The following ALK variants were observed in gnomAD, a reference collection of about 807,000 sequenced individuals.
ALK encodes the protein ALK receptor tyrosine kinase.
A neutral mutation model predicts 163.1 loss-of-function variants in ALK; 74 were observed. That is an observed-to-expected ratio of 0.45 (90% CI 0.38 to 0.55). The LOEUF (loss-of-function observed/expected upper bound fraction) is 0.55, where lower values mean the gene tolerates loss of function less well. Among genes scored for constraint, ALK ranks in the 20% least tolerant of loss-of-function variants. The probability of loss-of-function intolerance (pLI) is 0.00; values close to 1 mark genes in which losing one functional copy is unlikely to be tolerated. For synonymous variants in ALK, 960 were observed against 843.2 expected, an observed-to-expected ratio of 1.14 and a Z score of -2.40; for missense variants, 2,063 against 2,105.3, an observed-to-expected ratio of 0.98 and a Z score of 0.39.
At chr2:29,616,478 G>A (rs942567186) in intron 3 of ALK, among the ~76,000 whole-genome samples, 2 of 152,182 alleles carry the variant, frequency 1.3e-5, no homozygotes, top group African/African-American at 2.4e-5. Context: ...GAGAATCAAG[G>A]CGTCTGAAGA....
intron 11 of ALK, among the ~76,000 whole-genome samples, chr2:29,271,299 ATAATGCATT>A (rs1203846884): frequency 6.6e-6 from 1 of 152,196 alleles, no homozygotes; most frequent in Non-Finnish European, 1.5e-5. Flanking sequence ...TGGTGAATGG[ATAATGCATT>A]TAGCAGAAAT....
intron 1 of ALK, among the ~76,000 whole-genome samples, chr2:29,727,485 G>A (rs972017104): frequency 6.6e-6 from 1 of 152,090 alleles, no homozygotes; most frequent in Non-Finnish European, 1.5e-5. Context: ...CGTGACCTTG[G>A]GTAAGCTGCT....
chr2:29,532,238 T>C (rs1020425376), intron 3 of ALK, 122 bp from the exon 4 acceptor site: 8 of 884,690 alleles, frequency 9.0e-6, no homozygotes, highest in African/African-American at 1.7e-5. Context: ...ATTATCTCCT[T>C]CTCTGCATGC....
chr2:29,894,923 T>C (rs575312089), intron 1 of ALK, among the ~76,000 whole-genome samples: 1 of 152,038 alleles, frequency 6.6e-6, no homozygotes, highest in South Asian at 2.1e-4. Flanking sequence ...ATATCTCCTA[T>C]AGAGAGATGT....
intron 1 of ALK, among the ~76,000 whole-genome samples, chr2:29,752,889 T>G (rs902658418): frequency 2.0e-5 from 3 of 152,180 alleles, no homozygotes; most frequent in Non-Finnish European, 4.4e-5. Flanking sequence ...GATTTTGGAC[T>G]GGTACAAGGG....
chr2:29,549,943 T>C (rs550940963), intron 3 of ALK, among the ~76,000 whole-genome samples: 2 of 152,318 alleles, frequency 1.3e-5, no homozygotes, highest in South Asian at 4.1e-4. Context: ...AGCACTACTT[T>C]AAGGATTAAG....
chr2:29,651,966 TG>T (rs897783543), intron 3 of ALK, among the ~76,000 whole-genome samples: 7 of 152,268 alleles, frequency 4.6e-5, no homozygotes, highest in African/African-American at 1.7e-4. Flanking sequence ...CAGGATGCTA[TG>T]GGCATCAATC....
At chr2:29,674,784 G>A (rs962627755) in intron 3 of ALK, among the ~76,000 whole-genome samples, 64 of 146,868 alleles carry the variant, frequency 4.4e-4, no homozygotes, top group African/African-American at 1.5e-3. Context: ...GGTAGAATTC[G>A]GCTGTGAATC....
intron 3 of ALK, among the ~76,000 whole-genome samples, chr2:29,588,980 G>A (rs562436886): frequency 9.2e-5 from 14 of 152,246 alleles, no homozygotes; most frequent in African/African-American, 3.4e-4. Context: ...CCGGGGGCTG[G>A]TTCTCTGCAT....
intron 1 of ALK, among the ~76,000 whole-genome samples, chr2:29,860,655 TAAGAAG>T: frequency 6.6e-6 from 1 of 152,128 alleles, no homozygotes; most frequent in East Asian, 1.9e-4. Flanking sequence ...TTAACAAACT[TAAGAAG>T]ACTGAAATCA....
At chr2:29,819,111 A>G (rs1664973771) in intron 1 of ALK, among the ~76,000 whole-genome samples, 1 of 152,238 alleles carries the variant, frequency 6.6e-6, no homozygotes, top group African/African-American at 2.4e-5. Flanking sequence ...CAGGATCATC[A>G]GGGAGCCTGT....
intron 3 of ALK, among the ~76,000 whole-genome samples, chr2:29,584,547 A>C (rs1177921655): frequency 6.6e-6 from 1 of 152,144 alleles, no homozygotes; most frequent in African/African-American, 2.4e-5. Context: ...ATATCCAAAA[A>C]ATAGGACTAT....
At chr2:29,276,111 C>T (rs529457584) in intron 9 of ALK, among the ~76,000 whole-genome samples, 41 of 152,294 alleles carry the variant, frequency 2.7e-4, no homozygotes, top group Admixed American at 2.6e-3. Context: ...CCCAATTAAC[C>T]AGCACCCATA....
chr2:29,642,996 A>G (rs1468848908), intron 3 of ALK, among the ~76,000 whole-genome samples: 1 of 152,218 alleles, frequency 6.6e-6, no homozygotes, highest in Non-Finnish European at 1.5e-5. Context: ...CTCAGAGTTT[A>G]TTAGAGATTT....
chr2:29,790,566 T>A (rs1280131577), intron 1 of ALK, among the ~76,000 whole-genome samples: 1 of 152,174 alleles, frequency 6.6e-6, no homozygotes, highest in Non-Finnish European at 1.5e-5. Flanking sequence ...TTCTGACATA[T>A]TGACATTGGA....
chr2:29,811,896 T>G (rs2148372031), intron 1 of ALK, among the ~76,000 whole-genome samples: 1 of 152,264 alleles, frequency 6.6e-6, no homozygotes, highest in Non-Finnish European at 1.5e-5. Flanking sequence ...AATGCTAAGG[T>G]GGCAAAGCTA....
chr2:29,716,270 G>A (rs1221939242), intron 2 of ALK, among the ~76,000 whole-genome samples: 1 of 152,180 alleles, frequency 6.6e-6, no homozygotes, highest in Non-Finnish European at 1.5e-5. Flanking sequence ...TCATAAATAT[G>A]AGGCTGGTGC....
chr2:29,258,831 T>A (rs1204390154), intron 11 of ALK, among the ~76,000 whole-genome samples: 1 of 152,236 alleles, frequency 6.6e-6, no homozygotes, highest in African/African-American at 2.4e-5. Context: ...CCCTGATTTC[T>A]CTTAGTAGGA....
chr2:29,396,836 G>GTTTTTTTTTTTTTTGTTTTTTT (rs1669319431), intron 4 of ALK, among the ~76,000 whole-genome samples: 1 of 46,604 alleles, frequency 2.1e-5, no homozygotes, highest in Non-Finnish European at 3.5e-5. Context: ...TGTTACTATG[G>GTTTTTTTTTTTTTTGTTTTTTT]TTTTTTTTTT....
Sources: gnomAD v4.1 joint callset for allele counts (sites outside exome capture counted in the v4.1 genomes callset) on GRCh38, gnomAD v4.1.1 for gene constraint, MANE v1.5 for transcripts, NCBI Gene and HGNC (gene_info 2026-07-23, HGNC 2026-07-21) for gene names.